Variants in RNF19A observed in about 807,000 individuals in gnomAD.
The protein encoded by RNF19A is E3 ubiquitin-protein ligase RNF19A.
A neutral mutation model predicts 75.7 loss-of-function variants in RNF19A; 32 were observed. The ratio of observed to expected loss-of-function variants is 0.42; its 90% CI spans 0.32 to 0.57. The LOEUF (loss-of-function observed/expected upper bound fraction) is 0.57, where lower values mean the gene tolerates loss of function less well. RNF19A is among the 20% of genes least tolerant of loss of function. The probability of loss-of-function intolerance (pLI) is 0.10; values close to 1 mark genes in which losing one functional copy is unlikely to be tolerated. For missense variants in RNF19A, 782 were observed against 1,036.3 expected (o/e 0.75, Z 3.37); for synonymous variants, 335 against 345.2 (o/e 0.97, Z 0.33).
At chr8:100,296,178 C>CA (rs139099355) in intron 1 of RNF19A, among the ~76,000 whole-genome samples, 49,042 of 151,956 alleles carry the variant, frequency 0.32, 8,577 homozygotes, top group East Asian at 0.41. Flanking sequence ...AATCTCAGCT[C>CA]ACTGCAACCT....
At position 100,320,932 on chromosome 8, in the gene RNF19A, T is replaced by A. The variant is rs1231036524; in HGVS notation, c.-242-7560A>T. ...TGTGCAATAGCATCACGTGTAAAAA[T>A]GTATATACCTTAATTTAAAAATACT... On this transcript the variant is annotated intron_variant, in intron 1 of 3. Coordinates refer to the RNF19A transcript ENST00000519527. Among the ~76,000 whole-genome samples, 3 of 152,164 alleles carry A rather than the reference T, an allele frequency of 2.0e-5. No homozygotes were observed. The South Asian group carries it at 6.2e-4, about 31-fold the overall frequency.
chr8:100,296,367 A>G (rs568900587), intron 1 of RNF19A, among the ~76,000 whole-genome samples: 2 of 152,300 alleles, frequency 1.3e-5, no homozygotes, highest in African/African-American at 4.8e-5. Flanking sequence ...TGCCTCCCCA[A>G]GTGCTGGGAT....
At chr8:100,308,799 C>T (rs1015726761) in intron 1 of RNF19A, among the ~76,000 whole-genome samples, 1 of 152,318 alleles carries the variant, frequency 6.6e-6, no homozygotes, top group South Asian at 2.1e-4. Context: ...GCATTTCTAG[C>T]CAACATCTAG....
At position 100,260,127 on chromosome 8, in the gene RNF19A, C is replaced by G. The variant is rs907141830; in HGVS notation, c.1683-130G>C. ...TTTAGGAACCATTATTTTTTATTTC[C>G]TTTTATTTAATTTAAATTCTACTGC... On this transcript the variant is annotated intron_variant, in intron 8 of 9. Coordinates refer to ENST00000341084, the MANE Select transcript of RNF19A (RefSeq NM_183419.4). The surrounding 1 kb of genome is among the most constrained non-coding windows in gnomAD (Gnocchi z 4.1). The G allele has an allele frequency of 3.8e-6, 3 of 787,616 alleles. No homozygotes were observed. Among genetic ancestry groups the G allele is most frequent in the Admixed American group, 5.6e-5 (2 of 35,674 alleles). 48.8% of individuals were successfully genotyped at this position (787,616 alleles called of 1,614,324 possible).
upstream of RNF19A, chr8:100,313,285 A>G: frequency 1.0e-6 from 1 of 976,762 alleles, no homozygotes; most frequent in Non-Finnish European, 1.2e-6. Flanking sequence ...AAGGAAATAC[A>G]CTTACCAGAG....
chr8:100,282,429 A>G (rs1820822320), intron 2 of RNF19A, among the ~76,000 whole-genome samples: 2 of 152,224 alleles, frequency 1.3e-5, no homozygotes, highest in South Asian at 4.1e-4. Flanking sequence ...TTAATTATTT[A>G]GTGTTAAAAT....
chr8:100,327,054 A>C (rs1032938814), intron 1 of RNF19A, among the ~76,000 whole-genome samples: 1 of 151,930 alleles, frequency 6.6e-6, no homozygotes, highest in African/African-American at 2.4e-5. Flanking sequence ...TTCTATGTGG[A>C]TTGTCTTCCA....
chr8:100,293,659 G>A (rs555079868), intron 1 of RNF19A, among the ~76,000 whole-genome samples: 211 of 152,172 alleles, frequency 1.4e-3, no homozygotes, highest in Non-Finnish European at 2.2e-3. Flanking sequence ...ACAGGAATTC[G>A]GGGAAAATTA....
intron 2 of RNF19A, among the ~76,000 whole-genome samples, chr8:100,282,976 G>A (rs774167981): frequency 6.6e-6 from 1 of 152,144 alleles, no homozygotes; most frequent in Non-Finnish European, 1.5e-5. Flanking sequence ...AAATGTATAT[G>A]AGTTATGTTA....
intron 5 of RNF19A, 98 bp downstream of exon 5, chr8:100,268,683 TAAAA>T (rs34297750): frequency 0.025 from 8,892 of 349,440 alleles, 1 homozygote; most frequent in South Asian, 0.043. Flanking sequence ...ACCCTTTGTC[TAAAA>T]AAAAAAAAAA....
At chr8:100,283,607 C>A (rs1332796653) in intron 2 of RNF19A, among the ~76,000 whole-genome samples, 1 of 152,124 alleles carries the variant, frequency 6.6e-6, no homozygotes, top group Non-Finnish European at 1.5e-5. Flanking sequence ...CCCAAGAGAT[C>A]TTAAATGGAA....
chr8:100,336,003 T>C (rs937176351), intron 1 of RNF19A: 8 of 152,286 alleles, frequency 5.3e-5, no homozygotes, highest in Non-Finnish European at 8.8e-5. Context: ...ATTCTCCCTT[T>C]GGAGAATTTG....
intron 2 of RNF19A, among the ~76,000 whole-genome samples, chr8:100,282,540 C>T (rs1338626809): frequency 6.6e-6 from 1 of 152,168 alleles, no homozygotes; most frequent in Non-Finnish European, 1.5e-5. Context: ...TGTGTTCTAA[C>T]ACATACAATT....
At position 100,281,934 on chromosome 8, in the gene RNF19A, C is replaced by T. The variant is rs991674262; in HGVS notation, c.674+5567G>A. On this transcript the variant is annotated intron_variant, in intron 2 of 9. Coordinates refer to ENST00000341084, the MANE Select transcript of RNF19A (RefSeq NM_183419.4). ...TAATATACTTGAGAGAAGGTCTAGA[C>T]AAAGGGAGGTTCATCTCCTGGTTCC... Among the ~76,000 whole-genome samples the T allele has an allele frequency of 3.3e-5, 5 of 152,148 alleles. No homozygotes were observed. The South Asian group carries it at 1.0e-3, about 32-fold the overall frequency.
At position 100,284,383 on chromosome 8, in the gene RNF19A, G is replaced by A. The variant is rs1240970883; in HGVS notation, c.674+3118C>T. Among the ~76,000 whole-genome samples, 2 of 151,990 alleles carry A rather than the reference G, an allele frequency of 1.3e-5. No individual in the cohort carries two copies. The highest frequency in any genetic ancestry group is 2.9e-5 in the Non-Finnish European group (2 of 67,950). On this transcript the variant is annotated intron_variant, in intron 2 of 9. Transcript: ENST00000341084. This position sits in a 1 kb window ranked among gnomAD's most constrained non-coding sequence, Gnocchi z 4.3. ...CTACATCACCAAGTATGTGAAATAC[G>A]ACCATAACAACTAACAGAGCAGTAT...
At chr8:100,328,593 C>A (rs527617123) in intron 1 of RNF19A, among the ~76,000 whole-genome samples, 1 of 151,880 alleles carries the variant, frequency 6.6e-6, no homozygotes, top group Non-Finnish European at 1.5e-5. Context: ...TGCCTCAGCT[C>A]CCTGTGTAGC....
chr8:100,301,749 C>G (rs984209165), intron 1 of RNF19A, among the ~76,000 whole-genome samples: 1 of 152,064 alleles, frequency 6.6e-6, no homozygotes, highest in East Asian at 1.9e-4. Context: ...TTCTAAATAT[C>G]GTCTAAATAT....
At chr8:100,319,964 T>A (rs2130345715) in intron 1 of RNF19A, among the ~76,000 whole-genome samples, 1 of 151,182 alleles carries the variant, frequency 6.6e-6, no homozygotes, top group Admixed American at 6.6e-5. Flanking sequence ...GCCTCCCAAG[T>A]AGCTGGGATT....
At chr8:100,277,960 T>C (rs1820603889) in intron 2 of RNF19A, among the ~76,000 whole-genome samples, 1 of 152,216 alleles carries the variant, frequency 6.6e-6, no homozygotes, top group African/African-American at 2.4e-5. Flanking sequence ...AATCTGTGTA[T>C]GCAGGAGACA....
Sources: allele counts gnomAD v4.1 joint callset (sites outside exome capture counted in the v4.1 genomes callset), GRCh38; gene constraint gnomAD v4.1.1; non-coding constraint Gnocchi (gnomAD v3.1); transcripts MANE v1.5; gene names NCBI Gene and HGNC (gene_info 2026-07-23, HGNC 2026-07-21).